Variants in WWOX observed in about 807,000 individuals in gnomAD.
The protein encoded by WWOX is WW domain containing oxidoreductase.
Under a neutral mutation model 46.2 loss-of-function variants are expected in WWOX, and 69 were observed. The ratio of observed to expected loss-of-function variants is 1.49; its 90% CI spans 1.23 to 1.82. The LOEUF is 1.82. Ranked by LOEUF, WWOX falls within the 40% of genes most tolerant of loss-of-function variation. WWOX has a pLI of 0.00. For missense variants in WWOX, 919 were observed against 542.6 expected (o/e 1.69, Z -6.89); for synonymous variants, 359 against 202.6 (o/e 1.77, Z -6.56).
intron 4 of WWOX, among the ~76,000 whole-genome samples, chr16:78,124,566 C>T (rs559254007): frequency 2.0e-5 from 3 of 152,270 alleles, no homozygotes; most frequent in East Asian, 3.9e-4. Flanking sequence ...AAAGCAGGTT[C>T]CAATAGCTCG....
At chr16:78,391,601 A>G (rs1167283288) in intron 6 of WWOX, among the ~76,000 whole-genome samples, 1 of 152,176 alleles carries the variant, frequency 6.6e-6, no homozygotes, top group Non-Finnish European at 1.5e-5. Context: ...TAATCCCAGC[A>G]CCTGGGGAGG....
chr16:78,292,484 G>A (rs562036703), intron 5 of WWOX, among the ~76,000 whole-genome samples: 1 of 152,084 alleles, frequency 6.6e-6, no homozygotes, highest in Non-Finnish European at 1.5e-5. Context: ...GAAAATAACA[G>A]AGCCAAGTAT....
chr16:78,397,324 A>G (rs935779546), intron 6 of WWOX, among the ~76,000 whole-genome samples: 1 of 152,202 alleles, frequency 6.6e-6, no homozygotes, highest in South Asian at 2.1e-4. Context: ...GCTATTTATC[A>G]TGTGTCATGT....
chr16:79,030,442 C>A (rs779210819), intron 8 of WWOX, among the ~76,000 whole-genome samples: 10 of 152,128 alleles, frequency 6.6e-5, no homozygotes, highest in Admixed American at 1.3e-4. Flanking sequence ...TCCAGGATGC[C>A]TTTTGATCTG....
intron 5 of WWOX, among the ~76,000 whole-genome samples, chr16:78,368,703 C>G (rs1297517019): frequency 6.6e-6 from 1 of 152,216 alleles, no homozygotes; most frequent in Non-Finnish European, 1.5e-5. Flanking sequence ...CCTCCCCCCT[C>G]TAATGCTGCC....
At chr16:78,681,444 C>T (rs1384547630) in intron 8 of WWOX, among the ~76,000 whole-genome samples, 1 of 151,388 alleles carries the variant, frequency 6.6e-6, no homozygotes, top group Non-Finnish European at 1.5e-5. Context: ...CCACATTCAT[C>T]TATAAAACAA....
At chr16:78,534,968 T>G (rs1481272530) in intron 8 of WWOX, among the ~76,000 whole-genome samples, 1 of 152,122 alleles carries the variant, frequency 6.6e-6, no homozygotes, top group East Asian at 1.9e-4. Context: ...CGTCTCAGCC[T>G]CCCAAAGTGC....
At position 79,046,810 on chromosome 16, in the gene WWOX, C is replaced by T. The variant is rs193039914; in HGVS notation, c.1057-164798C>T. Among the ~76,000 whole-genome samples the T allele has an allele frequency of 1.1e-3, 169 of 152,302 alleles. 1 individual carries two copies. The highest frequency in any genetic ancestry group is 2.3e-3 in the South Asian group (11 of 4,820). On this transcript the variant is annotated intron_variant, in intron 8 of 8. Coordinates refer to ENST00000566780, the MANE Select transcript of WWOX (RefSeq NM_016373.4). ...CTGCTCTCTTTGTCCCCCAGGCCTG[C>T]ACTACAACAAATGTCTCTTTGTGTC...
intron 8 of WWOX, among the ~76,000 whole-genome samples, chr16:78,570,619 A>G (rs544808259): frequency 2.0e-5 from 3 of 152,314 alleles, no homozygotes; most frequent in South Asian, 4.1e-4. Flanking sequence ...CAGCTGCTGC[A>G]GTTACTCAAC....
chr16:78,469,709 C>A (rs1276758021), intron 8 of WWOX, among the ~76,000 whole-genome samples: 1 of 152,136 alleles, frequency 6.6e-6, no homozygotes, highest in Non-Finnish European at 1.5e-5. Context: ...CCAGGCTGGG[C>A]CATGGGTTGT....
At chr16:79,049,814 G>T (rs1172539032) in intron 8 of WWOX, among the ~76,000 whole-genome samples, 2 of 142,294 alleles carry the variant, frequency 1.4e-5, no homozygotes, top group Non-Finnish European at 3.0e-5. Flanking sequence ...CAGCCTGGCC[G>T]ACAGAGTGAG....
intron 8 of WWOX, among the ~76,000 whole-genome samples, chr16:78,497,599 C>T (rs942467011): frequency 2.6e-4 from 39 of 152,264 alleles, no homozygotes; most frequent in African/African-American, 5.8e-4. Context: ...GTACACACAG[C>T]GTAAATGCAA....
intron 8 of WWOX, among the ~76,000 whole-genome samples, chr16:79,179,588 A>C (rs2050868986): frequency 6.6e-6 from 1 of 152,246 alleles, no homozygotes; most frequent in Non-Finnish European, 1.5e-5. Flanking sequence ...TGTGGAAAGC[A>C]ATGTAGCTTC....
chr16:78,192,278 T>C (rs557519962), intron 5 of WWOX, among the ~76,000 whole-genome samples: 2 of 152,010 alleles, frequency 1.3e-5, no homozygotes, highest in Non-Finnish European at 2.9e-5. Context: ...GTGGATCACA[T>C]GAGGTCAGGA....
intron 8 of WWOX, among the ~76,000 whole-genome samples, chr16:78,588,934 C>T (rs116488637): frequency 0.014 from 2,159 of 152,188 alleles, 54 homozygotes; most frequent in African/African-American, 0.049. Context: ...CAGTTCCCTC[C>T]TTTGTTTCTT....
chr16:78,929,998 C>G (rs74733117), intron 8 of WWOX, among the ~76,000 whole-genome samples: 5,282 of 152,190 alleles, frequency 0.035, 114 homozygotes, highest in Non-Finnish European at 0.051. Flanking sequence ...ACCATGTGAC[C>G]CAGTTCTAGC....
chr16:78,892,565 C>G (rs1238646261), intron 8 of WWOX, among the ~76,000 whole-genome samples: 2 of 152,184 alleles, frequency 1.3e-5, no homozygotes, highest in Non-Finnish European at 2.9e-5. Flanking sequence ...CGTTCTTCCT[C>G]CACATTTTAT....
chr16:78,382,780 T>C (rs1174035968), intron 5 of WWOX, among the ~76,000 whole-genome samples: 1 of 152,160 alleles, frequency 6.6e-6, no homozygotes, highest in Non-Finnish European at 1.5e-5. Flanking sequence ...ATACACATGA[T>C]AAAATGTCTT....
chr16:79,061,911 A>T (rs1415469086), intron 8 of WWOX, among the ~76,000 whole-genome samples: 1 of 152,176 alleles, frequency 6.6e-6, no homozygotes, highest in Admixed American at 6.5e-5. Context: ...ATGTACAGTA[A>T]CTGAGGATCA....
Sources: allele counts gnomAD v4.1 joint callset (sites outside exome capture counted in the v4.1 genomes callset), GRCh38; gene constraint gnomAD v4.1.1; transcripts MANE v1.5; gene names NCBI Gene and HGNC (gene_info 2026-07-23, HGNC 2026-07-21).